The following R3HDM1 variants were observed in gnomAD, a reference collection of about 807,000 sequenced individuals.
The protein encoded by R3HDM1 is R3H domain-containing protein 1.
In R3HDM1, 46 loss-of-function variants were observed where a neutral mutation model predicts 141.1. The ratio of observed to expected loss-of-function variants is 0.33; its 90% CI spans 0.26 to 0.42. The LOEUF (loss-of-function observed/expected upper bound fraction) is 0.42, where lower values mean the gene tolerates loss of function less well. R3HDM1 is among the 10% of genes least tolerant of loss of function. R3HDM1 has a pLI of 1.00. For synonymous variants in R3HDM1, 435 were observed against 472.9 expected (o/e 0.92, Z 1.04); for missense variants, 1,184 against 1,368.3 (o/e 0.87, Z 2.12).
At chr2:135,723,739 T>A (rs561440613) in intron 26 of R3HDM1, among the ~76,000 whole-genome samples, 198 bp from the exon 27 acceptor site, 1 of 125,170 alleles carries the variant, frequency 8.0e-6, no homozygotes, top group South Asian at 2.6e-4. Context: ...ATCACACCGC[T>A]GCACTCCAGC....
chr2:135,709,447 A>G lies in R3HDM1; in HGVS notation c.2474A>G (p.Tyr825Cys), dbSNP rs770460017. The G allele has an allele frequency of 2.5e-6, 4 of 1,614,116 alleles. No individual in the cohort carries two copies. The South Asian group carries it at 3.3e-5, about 13-fold the overall frequency. ...TTTTTCCATAGCTCTTCAGTAGGTT[A>G]CCTGCAACATCCAGGATCAGAACAA... ...QQNNLSSSVG[Y>C]LQHPGSEQVQ... The change falls in exon 22 of 27, where the codon TAC (tyrosine) becomes TGC (cysteine). Residue 825 changes from tyrosine to cysteine, a missense_variant. Physicochemically the swap from Tyr to Cys is radical, Grantham distance 194 (BLOSUM62 -2). Coordinates refer to ENST00000683871, the MANE Select transcript of R3HDM1 (RefSeq NM_001378107.1).
At chr2:135,550,608 A>G (rs975756760) in intron 1 of R3HDM1, among the ~76,000 whole-genome samples, 1 of 152,222 alleles carries the variant, frequency 6.6e-6, no homozygotes, top group Non-Finnish European at 1.5e-5. Context: ...TGAAAGTCAC[A>G]CCAAGGTCAC....
At chr2:135,538,655 C>T (rs1019053024) in intron 1 of R3HDM1, among the ~76,000 whole-genome samples, 1 of 152,156 alleles carries the variant, frequency 6.6e-6, no homozygotes, top group Non-Finnish European at 1.5e-5. Context: ...TCACCATCAC[C>T]CAGACTGGAG....
rs1559466316 is a variant in R3HDM1 at position 135,699,044 on chromosome 2, T to TTAGATA, written c.2460-10389_2460-10388insTAGATA. Among the ~76,000 whole-genome samples, 2 of 100,330 alleles carry TTAGATA rather than the reference T, an allele frequency of 2.0e-5. 1 individual carries two copies. Among genetic ancestry groups the TTAGATA allele is most frequent in the Non-Finnish European group, 5.0e-5 (2 of 39,806 alleles). The allele number at this position is 100,330 out of a possible 152,430, so 65.8% of individuals were successfully genotyped here. A position where few individuals can be genotyped will look rare whatever the true frequency, so the allele number is the denominator to read the frequency against. ...ATAGATAGATAGATAGATAGATAGA[T>TTAGATA]AAGATAGATAAGATAGATTGATTAG... On this transcript the variant is annotated intron_variant, in intron 21 of 26. Coordinates refer to ENST00000683871, the MANE Select transcript of R3HDM1 (RefSeq NM_001378107.1).
At chr2:135,648,431 T>C (rs1461005978) in intron 16 of R3HDM1, among the ~76,000 whole-genome samples, 1 of 152,194 alleles carries the variant, frequency 6.6e-6, no homozygotes, top group African/African-American at 2.4e-5. Flanking sequence ...GCCTGAACAA[T>C]CTTAATTCCA....
intron 5 of R3HDM1, among the ~76,000 whole-genome samples, chr2:135,618,204 A>G (rs1047672959): frequency 1.3e-4 from 19 of 147,626 alleles, no homozygotes; most frequent in African/African-American, 4.8e-4. Context: ...ACTCTTGTTG[A>G]CCGGGCTGGA....
chr2:135,561,015 C>T (rs1701698802), intron 1 of R3HDM1, among the ~76,000 whole-genome samples: 1 of 152,230 alleles, frequency 6.6e-6, no homozygotes, highest in Non-Finnish European at 1.5e-5. Context: ...CTGTGCTTGT[C>T]ACCTGAGTGG....
intron 19 of R3HDM1, among the ~76,000 whole-genome samples, chr2:135,667,395 T>TA (rs3074519): frequency 0.15 from 23,156 of 150,426 alleles, 2,474 homozygotes; most frequent in East Asian, 0.39. Flanking sequence ...GGTAGTGTTT[T>TA]AAAAAAAAAA....
intron 14 of R3HDM1, 117 bp from the exon 15 acceptor site, chr2:135,641,419 C>A: frequency 8.4e-7 from 1 of 1,184,898 alleles, no homozygotes; most frequent in Non-Finnish European, 1.2e-6. Flanking sequence ...TAAAAAGAGC[C>A]AATGCTTTTA....
At chr2:135,586,917 T>C (rs773456652) in intron 1 of R3HDM1, 121 of 984,890 alleles carry the variant, frequency 1.2e-4, no homozygotes, top group Non-Finnish European at 1.4e-4. Flanking sequence ...AAAATTTTAT[T>C]GTGGAACAAA....
intron 1 of R3HDM1, chr2:135,586,740 C>T (rs1403183207): frequency 1.0e-6 from 1 of 985,212 alleles, no homozygotes; most frequent in Non-Finnish European, 1.2e-6. Flanking sequence ...CCAATTTCTT[C>T]TCCCCACCCC....
At chr2:135,677,056 T>C (rs1370658106) in intron 20 of R3HDM1, among the ~76,000 whole-genome samples, 2 of 152,142 alleles carry the variant, frequency 1.3e-5, no homozygotes, top group Non-Finnish European at 2.9e-5. Flanking sequence ...AACCTTTAGC[T>C]CTTCAAAGAA....
Position 135,641,645 on chromosome 2 carries a change from C to T in R3HDM1, c.1329C>T (p.Val443=). ...AGTCTTCTCATGGCGCACCTGTCGT[C>T]TATCCAACTGTCAGCACTCATAGTT... ...LSQSSHGAPV[V]YPTVSTHSSL... The change falls in exon 15 of 27, where the codon GTC becomes GTT. Residue 443 remains valine (V), a synonymous_variant. Coordinates refer to ENST00000683871, the MANE Select transcript of R3HDM1 (RefSeq NM_001378107.1). 6.2e-6 allele frequency: 10 copies of T among 1,614,198 alleles called. No homozygotes were observed. The highest frequency in any genetic ancestry group is 6.8e-6 in the Non-Finnish European group (8 of 1,180,034).
intron 1 of R3HDM1, among the ~76,000 whole-genome samples, chr2:135,556,960 T>C (rs759211259): frequency 1.3e-5 from 2 of 152,252 alleles, no homozygotes; most frequent in Non-Finnish European, 2.9e-5. Context: ...GCATCCTTTT[T>C]TTTTAAACCC....
chr2:135,650,204 T>C, intron 17 of R3HDM1: 1 of 972,004 alleles, frequency 1.0e-6, no homozygotes, highest in Non-Finnish European at 1.2e-6. Flanking sequence ...ATTATGGTGA[T>C]TGTTTAACCT....
chr2:135,589,826 T>G (rs1708825133), intron 1 of R3HDM1, among the ~76,000 whole-genome samples: 1 of 152,000 alleles, frequency 6.6e-6, no homozygotes, highest in Non-Finnish European at 1.5e-5. Context: ...TAATATATAT[T>G]ATGCAAATCT....
chr2:135,709,937 T>C, intron 22 of R3HDM1, 122 bp from the exon 23 acceptor site: 1 of 1,046,402 alleles, frequency 9.6e-7, no homozygotes. Flanking sequence ...CAACCTGGTT[T>C]TCTTAGTTAA....
At chr2:135,652,142 T>C in intron 18 of R3HDM1, 110 bp downstream of exon 18, 1 of 1,428,936 alleles carries the variant, frequency 7.0e-7, no homozygotes, top group Non-Finnish European at 9.2e-7. Flanking sequence ...TGTGAGAGTA[T>C]ATAAACAAAG....
At chr2:135,551,861 G>T (rs1177186539) in intron 1 of R3HDM1, among the ~76,000 whole-genome samples, 2 of 152,084 alleles carry the variant, frequency 1.3e-5, no homozygotes, top group African/African-American at 4.8e-5. Flanking sequence ...TTAAGCTTCA[G>T]ATTTTAACTC....
Sources: gnomAD v4.1 joint callset for allele counts (sites outside exome capture counted in the v4.1 genomes callset) on GRCh38, gnomAD v4.1.1 for gene constraint, MANE v1.5 for transcripts, NCBI Gene and HGNC (gene_info 2026-07-23, HGNC 2026-07-21) for gene names.